The following TSPAN5 variants were observed in gnomAD, a reference collection of about 807,000 sequenced individuals.
TSPAN5 encodes the protein tetraspanin-5.
TSPAN5 carries 10 observed loss-of-function variants against 37.1 expected under a neutral mutation model. The observed-to-expected ratio is 0.27, with a 90% CI of 0.17 to 0.46. TSPAN5 has a LOEUF of 0.46. Ranked by LOEUF, TSPAN5 falls within the 20% of genes least tolerant of loss-of-function variation. The pLI is 1.00. For missense variants in TSPAN5, 195 were observed against 326.6 expected (o/e 0.60, Z 3.11); for synonymous variants, 110 against 118.9 (o/e 0.93, Z 0.48).
chr4:98,623,530 T>C (rs1303288364), intron 1 of TSPAN5, among the ~76,000 whole-genome samples: 1 of 152,214 alleles, frequency 6.6e-6, no homozygotes, highest in Non-Finnish European at 1.5e-5. Flanking sequence ...AAAGCCATAG[T>C]TCCAGAGATT....
At chr4:98,510,729 C>T (rs1034544257) in intron 1 of TSPAN5, among the ~76,000 whole-genome samples, 1 of 152,150 alleles carries the variant, frequency 6.6e-6, no homozygotes, top group Admixed American at 6.5e-5. Context: ...ACTTTCCAAA[C>T]AAGGGTTTAA....
intron 1 of TSPAN5, among the ~76,000 whole-genome samples, chr4:98,613,256 A>G (rs1211989413): frequency 6.6e-6 from 1 of 152,088 alleles, no homozygotes; most frequent in Admixed American, 6.6e-5. Context: ...AAATCACTCC[A>G]TATGAAAGAA....
chr4:98,476,064 C>T, intron 7 of TSPAN5, 125 bp downstream of exon 7: 1 of 681,766 alleles, frequency 1.5e-6, no homozygotes, highest in Non-Finnish European at 2.6e-6. Context: ...TAGGTCTGTT[C>T]CTCAGCCCTC....
intron 1 of TSPAN5, among the ~76,000 whole-genome samples, chr4:98,598,258 G>C (rs917110746): frequency 7.0e-6 from 1 of 142,412 alleles, no homozygotes; most frequent in Non-Finnish European, 1.5e-5. Flanking sequence ...GACCCCTTGC[G>C]CTTCCCAGGT....
intron 1 of TSPAN5, among the ~76,000 whole-genome samples, chr4:98,592,313 G>A (rs1030789761): frequency 3.3e-5 from 5 of 150,014 alleles, no homozygotes; most frequent in Non-Finnish European, 5.9e-5. Flanking sequence ...GCTCCTGTTC[G>A]GTGCCACATA....
chr4:98,507,567 A>T (rs1753506303), intron 2 of TSPAN5, 111 bp downstream of exon 2: 2 of 706,956 alleles, frequency 2.8e-6, no homozygotes, highest in Admixed American at 6.7e-5. Context: ...TTTCTTGTTA[A>T]AGAGCCATGT....
At chr4:98,546,406 C>A (rs191170125) in intron 1 of TSPAN5, among the ~76,000 whole-genome samples, 8 of 152,302 alleles carry the variant, frequency 5.3e-5, no homozygotes, top group Admixed American at 1.3e-4. Context: ...TGTTTTCCAA[C>A]TGCAGGGTGC....
chr4:98,532,845 A>G (rs1426740883), intron 1 of TSPAN5, among the ~76,000 whole-genome samples: 2 of 152,048 alleles, frequency 1.3e-5, no homozygotes, highest in African/African-American at 4.8e-5. Flanking sequence ...AATAGCTCTT[A>G]TTATTTTGAG....
intron 1 of TSPAN5, among the ~76,000 whole-genome samples, chr4:98,645,131 T>C (rs1490839295): frequency 6.6e-6 from 1 of 152,210 alleles, no homozygotes; most frequent in Non-Finnish European, 1.5e-5. Flanking sequence ...AACTATCTTT[T>C]CATCCTCTGG....
intron 3 of TSPAN5, chr4:98,484,986 T>C (rs11735585): frequency 0.41 from 68,097 of 166,184 alleles, 14,746 homozygotes; most frequent in Admixed American, 0.54. Context: ...GGTGGTAGGC[T>C]CCTGTAATCC....
At chr4:98,521,742 CT>C (rs1212094177) in intron 1 of TSPAN5, among the ~76,000 whole-genome samples, 1 of 152,200 alleles carries the variant, frequency 6.6e-6, no homozygotes, top group African/African-American at 2.4e-5. Flanking sequence ...GAGGAGGCTG[CT>C]GAGATATTAA....
chr4:98,539,699 C>T lies in TSPAN5; in HGVS notation c.82-31971G>A, dbSNP rs571414986. 6.6e-5 allele frequency among the ~76,000 whole-genome samples: 10 copies of T among 152,236 alleles called. 1 individual carries two copies. Among genetic ancestry groups the T allele is most frequent in the Admixed American group, 3.3e-4 (5 of 15,284 alleles). ...TTTACATGCTGTGGTAGGCAACCTT[C>T]GATATGGCCTTCAATGATTCCCATC... On this transcript the variant is annotated intron_variant, in intron 1 of 7. Coordinates refer to ENST00000305798, the MANE Select transcript of TSPAN5 (RefSeq NM_005723.4).
chr4:98,471,173 A>G lies in TSPAN5; in HGVS notation c.*1349T>C, dbSNP rs1447231407. On this transcript the variant is annotated 3_prime_UTR_variant, in exon 8 of 8. Coordinates refer to ENST00000305798, the MANE Select transcript of TSPAN5 (RefSeq NM_005723.4). Reference sequence around the variant, plus strand: ...GATACCATCCTGATGGTTAGTCTGCAATAAGAGAACTGAAGGAGCTATGGC... The same window carrying G: ...GATACCATCCTGATGGTTAGTCTGCGATAAGAGAACTGAAGGAGCTATGGC... The G allele has an allele frequency of 6.6e-6, 1 of 152,240 alleles. No individual in the cohort carries two copies. The highest frequency in any genetic ancestry group is 1.5e-5 in the Non-Finnish European group (1 of 68,042). 9.4% of individuals were successfully genotyped at this position (152,240 alleles called of 1,614,324 possible).
chr4:98,488,044 T>G (rs1303231549), intron 2 of TSPAN5, among the ~76,000 whole-genome samples: 4 of 151,624 alleles, frequency 2.6e-5, no homozygotes, highest in African/African-American at 9.7e-5. Flanking sequence ...GCCTTAATAA[T>G]AAAAAAAAAT....
chr4:98,564,277 C>T lies in TSPAN5; in HGVS notation c.82-56549G>A, dbSNP rs74647745. Among the ~76,000 whole-genome samples the T allele has an allele frequency of 2.6e-5, 4 of 152,314 alleles. No individual in the cohort carries two copies. The East Asian group carries it at 5.8e-4, about 22-fold the overall frequency. Reference sequence around the variant, plus strand: ...TCCTAGCATTTCTATCAAATTCTTACCCCAAATGAGTAAGATCTTTGAAAA... The same window carrying T: ...TCCTAGCATTTCTATCAAATTCTTATCCCAAATGAGTAAGATCTTTGAAAA... On this transcript the variant is annotated intron_variant, in intron 1 of 7. Transcript: ENST00000305798.
chr4:98,488,142 G>A (rs1302832756), intron 2 of TSPAN5, among the ~76,000 whole-genome samples: 3 of 152,180 alleles, frequency 2.0e-5, no homozygotes, highest in African/African-American at 7.2e-5. Flanking sequence ...AGAGCAGTTT[G>A]GTGATGGGCT....
intron 1 of TSPAN5, among the ~76,000 whole-genome samples, chr4:98,607,106 A>C (rs536848422): frequency 6.6e-6 from 1 of 152,190 alleles, no homozygotes; most frequent in East Asian, 1.9e-4. Flanking sequence ...AAAAACCATC[A>C]CTGTGCTTGT....
chr4:98,560,900 A>G (rs528568347), intron 1 of TSPAN5, among the ~76,000 whole-genome samples: 8 of 152,342 alleles, frequency 5.3e-5, no homozygotes, highest in African/African-American at 1.9e-4. Flanking sequence ...CAAATATTCT[A>G]GATAAAAGTG....
intron 2 of TSPAN5, among the ~76,000 whole-genome samples, chr4:98,501,446 A>G (rs1430366060): frequency 6.6e-6 from 1 of 152,208 alleles, no homozygotes; most frequent in Non-Finnish European, 1.5e-5. Flanking sequence ...CATTCTAGGT[A>G]CTAGAGTGTG....
Sources: allele counts gnomAD v4.1 joint callset (sites outside exome capture counted in the v4.1 genomes callset), GRCh38; gene constraint gnomAD v4.1.1; transcripts MANE v1.5; gene names NCBI Gene and HGNC (gene_info 2026-07-23, HGNC 2026-07-21).